SLC35F1: variants seen among roughly 807,000 people sequenced by gnomAD.
SLC35F1 encodes solute carrier family 35 member F1.
Under a neutral mutation model 48.7 loss-of-function variants are expected in SLC35F1, and 14 were observed. The observed-to-expected ratio is 0.29, with a 90% confidence interval of 0.19 to 0.45. The LOEUF (loss-of-function observed/expected upper bound fraction) is 0.45. Ranked by LOEUF, SLC35F1 falls within the 20% of genes least tolerant of loss-of-function variation. The pLI is 1.00. For synonymous variants in SLC35F1, 190 were observed against 202.2 expected (o/e 0.94, Z 0.51); for missense variants, 404 against 500.0 (o/e 0.81, Z 1.83).
chr6:118,031,724 A>C (rs1772052640), intron 1 of SLC35F1, among the ~76,000 whole-genome samples: 1 of 152,222 alleles, frequency 6.6e-6, no homozygotes, highest in African/African-American at 2.4e-5. Context: ...GTAGCAGCAC[A>C]GGGCAGCTTT....
intron 1 of SLC35F1, among the ~76,000 whole-genome samples, chr6:117,943,088 C>T (rs114445342): frequency 0.01 from 1,552 of 152,192 alleles, 26 homozygotes; most frequent in African/African-American, 0.035. Flanking sequence ...ATCTTGTTAT[C>T]GATCCATTTT....
chr6:118,293,210 A>C (rs1776146097), intron 7 of SLC35F1, among the ~76,000 whole-genome samples: 2 of 152,226 alleles, frequency 1.3e-5, no homozygotes, highest in African/African-American at 2.4e-5. Context: ...AGTGGCTTAA[A>C]AAATAACCCA....
chr6:118,081,834 A>G (rs1397055789), intron 1 of SLC35F1, among the ~76,000 whole-genome samples: 1 of 152,178 alleles, frequency 6.6e-6, no homozygotes, highest in Non-Finnish European at 1.5e-5. Flanking sequence ...CTTTGCTGTG[A>G]GTCTGCAGAA....
chr6:118,023,626 AT>A (rs959992259), intron 1 of SLC35F1, among the ~76,000 whole-genome samples: 1 of 152,170 alleles, frequency 6.6e-6, no homozygotes, highest in Admixed American at 6.5e-5. Flanking sequence ...ATCTGTGCCT[AT>A]TTAAATGGAA....
intron 7 of SLC35F1, among the ~76,000 whole-genome samples, chr6:118,309,043 A>G (rs1203865698): frequency 6.6e-6 from 1 of 152,204 alleles, no homozygotes; most frequent in African/African-American, 2.4e-5. Context: ...CATGTGTGGT[A>G]CATGAGAAGC....
intron 1 of SLC35F1, among the ~76,000 whole-genome samples, chr6:118,123,378 A>AT (rs1773580006): frequency 6.6e-6 from 1 of 151,924 alleles, no homozygotes; most frequent in Non-Finnish European, 1.5e-5. Flanking sequence ...AAGGTAATAC[A>AT]TTTGGTAGAT....
At chr6:117,939,640 C>A (rs1776204085) in intron 1 of SLC35F1, among the ~76,000 whole-genome samples, 1 of 151,982 alleles carries the variant, frequency 6.6e-6, no homozygotes, top group Admixed American at 6.5e-5. Context: ...TTAAAAAGGA[C>A]CTAAAGGGAA....
intron 6 of SLC35F1, among the ~76,000 whole-genome samples, chr6:118,280,069 A>G (rs1197189712): frequency 2.0e-5 from 3 of 152,234 alleles, no homozygotes; most frequent in Non-Finnish European, 2.9e-5. Flanking sequence ...ACACTGGCCA[A>G]TTGCAAAATA....
chr6:117,942,495 C>T (rs1010344865), intron 1 of SLC35F1, among the ~76,000 whole-genome samples: 1 of 152,184 alleles, frequency 6.6e-6, no homozygotes, highest in Admixed American at 6.5e-5. Context: ...CTATACAGAA[C>T]AGCTAAATTT....
chr6:117,963,897 G>T (rs2114837246), intron 1 of SLC35F1, among the ~76,000 whole-genome samples: 1 of 152,290 alleles, frequency 6.6e-6, no homozygotes, highest in East Asian at 1.9e-4. Context: ...ATGGTGGTTT[G>T]CTGCACCTAT....
chr6:118,202,866 T>C (rs1774888954), intron 2 of SLC35F1, among the ~76,000 whole-genome samples: 1 of 152,244 alleles, frequency 6.6e-6, no homozygotes, highest in Non-Finnish European at 1.5e-5. Flanking sequence ...ACATTTGAGC[T>C]GAGACCTGAA....
chr6:117,919,625 A>G (rs1775870859), intron 1 of SLC35F1, among the ~76,000 whole-genome samples: 1 of 152,146 alleles, frequency 6.6e-6, no homozygotes, highest in East Asian at 1.9e-4. Flanking sequence ...AAACCCACCG[A>G]TCTATGAACT....
chr6:118,025,191 C>T lies in SLC35F1; in HGVS notation c.173+117292C>T, dbSNP rs549322048. On this transcript the variant is annotated intron_variant, in intron 1 of 7. Transcript: ENST00000360388. The stretch of plus-strand genomic sequence containing the variant: ...GCACATTAAATGTAGTTGTATATCT[C>T]CTTAGGCCCCTCTTGGCTGTGACTT... Among the ~76,000 whole-genome samples, 67 of 152,216 alleles carry T rather than the reference C, an allele frequency of 4.4e-4. No homozygotes were observed. The South Asian group carries it at 0.013, about 30-fold the overall frequency.
At chr6:117,913,394 C>T (rs1582557966) in intron 1 of SLC35F1, among the ~76,000 whole-genome samples, 1 of 152,174 alleles carries the variant, frequency 6.6e-6, no homozygotes, top group African/African-American at 2.4e-5. Flanking sequence ...GGGCCAAAAC[C>T]TCAAAACCTA....
chr6:118,206,114 A>T (rs181959077), intron 2 of SLC35F1, among the ~76,000 whole-genome samples: 3 of 152,326 alleles, frequency 2.0e-5, no homozygotes, highest in Admixed American at 2.0e-4. Context: ...TTTTAAATGT[A>T]TTTAATGCCA....
chr6:117,926,495 GGAGT>G (rs1237515440), intron 1 of SLC35F1, among the ~76,000 whole-genome samples: 2 of 151,792 alleles, frequency 1.3e-5, no homozygotes, highest in Non-Finnish European at 2.9e-5. Context: ...AATTAAAAGA[GGAGT>G]GTGTGTGTGT....
chr6:118,026,913 A>G (rs917837234), intron 1 of SLC35F1, among the ~76,000 whole-genome samples: 1 of 152,170 alleles, frequency 6.6e-6, no homozygotes, highest in African/African-American at 2.4e-5. Flanking sequence ...TCACCATCAC[A>G]GTTAAGACAG....
At chr6:118,226,326 A>G (rs1020208617) in intron 2 of SLC35F1, among the ~76,000 whole-genome samples, 1 of 152,246 alleles carries the variant, frequency 6.6e-6, no homozygotes, top group African/African-American at 2.4e-5. Context: ...CTAGAAATAG[A>G]ACTAACCATA....
At chr6:118,067,831 C>T (rs117523132) in intron 1 of SLC35F1, among the ~76,000 whole-genome samples, 196 of 151,988 alleles carry the variant, frequency 1.3e-3, no homozygotes, top group Non-Finnish European at 2.2e-3. Context: ...CTGCTGTGCC[C>T]CACTCCTGAG....
Sources: gnomAD v4.1 joint callset for allele counts (sites outside exome capture counted in the v4.1 genomes callset) on GRCh38, gnomAD v4.1.1 for gene constraint, MANE v1.5 for transcripts, NCBI Gene and HGNC (gene_info 2026-07-23, HGNC 2026-07-21) for gene names.